The following TMEM165 variants were observed in gnomAD, a reference collection of about 807,000 sequenced individuals.
TMEM165 encodes putative divalent cation/proton antiporter TMEM165.
In TMEM165, 19 loss-of-function variants were observed where a neutral mutation model predicts 30.0. The ratio of observed to expected loss-of-function variants is 0.63; its 90% CI spans 0.44 to 0.93. The LOEUF (loss-of-function observed/expected upper bound fraction) is 0.93, where lower values mean the gene tolerates loss of function less well. Among genes scored for constraint, TMEM165 ranks in the 40% least tolerant of loss-of-function variants. The pLI, the probability that TMEM165 is intolerant of heterozygous loss-of-function variation, is 0.00. For synonymous variants in TMEM165, 168 were observed against 162.9 expected, an observed-to-expected ratio of 1.03 and a Z score of -0.24; for missense variants, 340 against 417.0, an observed-to-expected ratio of 0.82 and a Z score of 1.61.
chr4:55,406,909 A>G (rs896014719), intron 1 of TMEM165, among the ~76,000 whole-genome samples: 6 of 152,192 alleles, frequency 3.9e-5, no homozygotes, highest in Non-Finnish European at 7.4e-5. Context: ...GGCTCCACCC[A>G]TCTCCCAAAG....
chr4:55,417,831 C>G lies in TMEM165; in HGVS notation c.638C>G (p.Pro213Arg). ...EFQRTKLLNG[P>R]GDVETGTSIT... ...CAACGAACCAAACTTTTAAATGGAC[C>G]GGGAGATGTTGAAACGGGTACAAGC... The change falls in exon 4 of 6, where the codon CCG becomes CGG. Residue 213 changes from proline (P) to arginine (R), a missense_variant. Physicochemically the swap from Pro to Arg is moderately radical, Grantham distance 103. Around this residue, in one of 2 missense-constraint regions of TMEM165, gnomAD observed 220 missense variants for 307.6 expected, o/e 0.72. Transcript: ENST00000381334. 6.2e-7 allele frequency: 1 copy of G among 1,609,954 alleles called. No homozygotes were observed. Among genetic ancestry groups the G allele is most frequent in the Non-Finnish European group, 8.5e-7 (1 of 1,178,642 alleles).
intron 2 of TMEM165, among the ~76,000 whole-genome samples, chr4:55,413,114 G>A (rs1053279187): frequency 6.7e-6 from 1 of 150,152 alleles, no homozygotes; most frequent in African/African-American, 2.5e-5. Context: ...TGAGTAGCTG[G>A]GACCATAGGC....
intron 2 of TMEM165, among the ~76,000 whole-genome samples, chr4:55,413,020 C>T (rs1420281999): frequency 6.6e-6 from 1 of 151,856 alleles, no homozygotes; most frequent in Non-Finnish European, 1.5e-5. Flanking sequence ...TGCTCTATCA[C>T]TCAGGCTGGA....
intron 1 of TMEM165, among the ~76,000 whole-genome samples, chr4:55,409,368 T>C (rs982317905): frequency 1.3e-5 from 2 of 152,234 alleles, no homozygotes; most frequent in African/African-American, 4.8e-5. Flanking sequence ...TAAATCTGTT[T>C]TTACGCTGTC....
At chr4:55,413,386 C>A (rs1721595015) in intron 2 of TMEM165, among the ~76,000 whole-genome samples, 1 of 152,072 alleles carries the variant, frequency 6.6e-6, no homozygotes, top group Non-Finnish European at 1.5e-5. Context: ...ATGATCCCGA[C>A]TCACTTAAAC....
At chr4:55,412,413 A>T (rs1721547159) in intron 2 of TMEM165, among the ~76,000 whole-genome samples, 1 of 150,990 alleles carries the variant, frequency 6.6e-6, no homozygotes, top group Admixed American at 6.6e-5. Flanking sequence ...AAAAAAAAAA[A>T]AAAAGGGAGA....
At chr4:55,449,580 T>G (rs776663661) in intron 3 of TMEM165, 22 of 1,178,556 alleles carry the variant, frequency 1.9e-5, no homozygotes, top group Middle Eastern at 2.3e-4. Context: ...TTTCAGTTAA[T>G]AAAAATGGCT....
Position 55,425,407 on chromosome 4 carries a change from G to A in TMEM165, c.930G>A (p.Ala310=), listed in dbSNP as rs368593849. The change falls in exon 6 of 6, where the codon GCG becomes GCA. Residue 310 remains alanine, a synonymous_variant. Coordinates refer to ENST00000381334, the MANE Select transcript of TMEM165 (RefSeq NM_018475.5). ...VTIIGGIVFL[A]FAFSALFISP... ...TCATAGGAGGCATCGTTTTTTTGGC[G>A]TTTGCATTTTCTGCACTATTTATAA... is the stretch of plus-strand genomic sequence containing the variant. 40 of 1,613,178 alleles carry A rather than the reference G, an allele frequency of 2.5e-5. No homozygotes were observed. The highest frequency in any genetic ancestry group is 6.7e-5 in the Admixed American group (4 of 59,914).
intron 3 of TMEM165, among the ~76,000 whole-genome samples, chr4:55,436,898 T>C (rs1226070265): frequency 6.7e-6 from 1 of 149,430 alleles, no homozygotes; most frequent in East Asian, 1.9e-4. Context: ...ATGCCTTTTT[T>C]TTTTTTTTTT....
chr4:55,407,393 A>T (rs1423689330), intron 1 of TMEM165, among the ~76,000 whole-genome samples: 1 of 152,204 alleles, frequency 6.6e-6, no homozygotes, highest in East Asian at 1.9e-4. Context: ...GTGAGTAAAT[A>T]CCTACCAGGG....
Position 55,411,662 on chromosome 4 carries a change from G to A in TMEM165, c.256G>A (p.Ala86Thr), listed in dbSNP as rs1251755993. Residue 86 changes from alanine to threonine, a missense_variant, in exon 2 of 6, where the codon GCT becomes ACT. Physicochemically the swap from Ala to Thr is moderately conservative, Grantham distance 58 (BLOSUM62 0). This residue lies in a region of TMEM165 where 220 missense variants were observed against 307.6 expected (regional missense o/e 0.72). Coordinates refer to ENST00000381334, the MANE Select transcript of TMEM165 (RefSeq NM_018475.5). Reference sequence around the variant, plus strand: ...AGTTCATACCAATAAAGAAGATCCTGCTACCCAAACTAATTTGGGATTTAT... The same window carrying A: ...AGTTCATACCAATAAAGAAGATCCTACTACCCAAACTAATTTGGGATTTAT... ...APVHTNKEDP[A>T]TQTNLGFIHA... The A allele has an allele frequency of 2.5e-6, 4 of 1,613,950 alleles. No individual in the cohort carries two copies. The highest frequency in any genetic ancestry group is 2.7e-5 in the African/African-American group (2 of 74,872).
chr4:55,420,122 CATAT>C lies in TMEM165; in HGVS notation c.792+2142_792+2145del, dbSNP rs1214836446. Among the ~76,000 whole-genome samples the C allele has an allele frequency of 8.8e-4, 50 of 56,798 alleles. 6 individuals carry two copies. Among genetic ancestry groups the C allele is most frequent in the African/African-American group, 1.1e-3 (24 of 22,572 alleles). 37.3% of individuals were successfully genotyped at this position (56,798 alleles called of 152,430 possible). A position where few individuals can be genotyped will look rare whatever the true frequency, so the allele number is the denominator to read the frequency against. On this transcript the variant is annotated intron_variant, in intron 4 of 5. Coordinates refer to ENST00000381334, the MANE Select transcript of TMEM165 (RefSeq NM_018475.5). ...AGAAAAAAAAATATATATATATATA[CATAT>C]ATATTTATTTATTTATTTATTTTAT...
At chr4:55,422,616 A>G (rs1242449707) in intron 4 of TMEM165, among the ~76,000 whole-genome samples, 2 of 151,670 alleles carry the variant, frequency 1.3e-5, no homozygotes, top group East Asian at 2.0e-4. Flanking sequence ...TAGTTCATCA[A>G]TTGTGGGAGA....
At chr4:55,435,232 T>G (rs1577661640) in intron 3 of TMEM165, 4 of 663,768 alleles carry the variant, frequency 6.0e-6, no homozygotes. Context: ...TGCTGGCTGG[T>G]ATTTAATGTA....
chr4:55,417,948 G>A lies in TMEM165; in HGVS notation c.755G>A (p.Arg252His), dbSNP rs752991528. 3.7e-6 allele frequency: 6 copies of A among 1,612,692 alleles called. No homozygotes were observed. Among genetic ancestry groups the A allele is most frequent in the East Asian group, 2.2e-5 (1 of 44,878 alleles). ...ACATTCTTAGCAGAATGGGGTGATC[G>A]CTCTCAACTAACTACAATTGTATTG... Reference protein sequence around the residue: ...TLTFLAEWGDRSQLTTIVLAA... With the variant: ...TLTFLAEWGDHSQLTTIVLAA... The change falls in exon 4 of 6, where the codon CGC (arginine) becomes CAC (histidine). Residue 252 changes from arginine (R) to histidine (H), a missense_variant. This residue lies in a region of TMEM165 where 220 missense variants were observed against 307.6 expected (regional missense o/e 0.72). Transcript: ENST00000381334.
intron 3 of TMEM165, among the ~76,000 whole-genome samples, chr4:55,446,037 A>G: frequency 6.7e-6 from 1 of 149,282 alleles, no homozygotes; most frequent in East Asian, 2.0e-4. Flanking sequence ...TTACACATAC[A>G]CCCTGGATTT....
intron 3 of TMEM165, among the ~76,000 whole-genome samples, chr4:55,447,602 T>A (rs921608929): frequency 6.6e-5 from 10 of 152,294 alleles, no homozygotes; most frequent in Admixed American, 2.6e-4. Flanking sequence ...CATGAATGCT[T>A]ACTAACATTT....
At chr4:55,429,231 G>GTATC (rs909796111), downstream of TMEM165, 1 of 152,114 alleles carries the variant, frequency 6.6e-6, no homozygotes, top group Non-Finnish European at 1.5e-5. Context: ...ATTTGAAAAC[G>GTATC]TATCTTCAGT....
intron 2 of TMEM165, 69 bp from the exon 3 acceptor site, chr4:55,417,003 C>T: frequency 2.3e-6 from 3 of 1,327,924 alleles, no homozygotes; most frequent in Non-Finnish European, 1.0e-6. Flanking sequence ...ATTATTATTT[C>T]CGAAGTTAAC....
Sources: allele counts gnomAD v4.1 joint callset (sites outside exome capture counted in the v4.1 genomes callset), GRCh38; gene constraint gnomAD v4.1.1; regional missense constraint gnomAD v4.1.1; transcripts MANE v1.5; gene names NCBI Gene and HGNC (gene_info 2026-07-23, HGNC 2026-07-21).